Variants in DISC1 observed in about 807,000 individuals in gnomAD.
DISC1 encodes the protein DISC1 scaffold protein, also known as disrupted in schizophrenia 1 protein.
Under a neutral mutation model 84.5 loss-of-function variants are expected in DISC1, and 57 were observed. The ratio of observed to expected loss-of-function variants is 0.67; its 90% CI spans 0.55 to 0.84. The LOEUF (loss-of-function observed/expected upper bound fraction) is 0.84. DISC1 is among the 40% of genes least tolerant of loss of function. DISC1 has a pLI of 0.00. For synonymous variants in DISC1, 411 were observed against 415.2 expected, an observed-to-expected ratio of 0.99 and a Z score of 0.12; for missense variants, 1,000 against 1,057.8, an observed-to-expected ratio of 0.95 and a Z score of 0.76.
At chr1:232,007,992 A>G (rs926486376) in intron 10 of DISC1, among the ~76,000 whole-genome samples, 2 of 152,124 alleles carry the variant, frequency 1.3e-5, no homozygotes, top group African/African-American at 2.4e-5. Flanking sequence ...CCTTCCTGCC[A>G]CCATGTGAAG....
chr1:231,882,667 T>C (rs2086380009), intron 9 of DISC1, among the ~76,000 whole-genome samples: 1 of 152,116 alleles, frequency 6.6e-6, no homozygotes, highest in Non-Finnish European at 1.5e-5. Flanking sequence ...GGCTTTCAAG[T>C]TTTTAGGTCA....
At chr1:231,823,003 T>C (rs894295476) in intron 9 of DISC1, among the ~76,000 whole-genome samples, 1 of 152,156 alleles carries the variant, frequency 6.6e-6, no homozygotes, top group Non-Finnish European at 1.5e-5. Flanking sequence ...ACCTTCAACA[T>C]TGGGGGTCAA....
intron 9 of DISC1, among the ~76,000 whole-genome samples, chr1:231,935,633 G>A (rs1321445222): frequency 2.6e-5 from 4 of 152,182 alleles, no homozygotes; most frequent in Non-Finnish European, 4.4e-5. Context: ...AGAGGGACTC[G>A]TACCTTATAC....
chr1:231,632,620 A>C (rs1433807716), intron 1 of DISC1, among the ~76,000 whole-genome samples: 1 of 152,260 alleles, frequency 6.6e-6, no homozygotes, highest in African/African-American at 2.4e-5. Context: ...AAACAGCAGC[A>C]GAGTGATTGT....
At chr1:231,812,277 C>A (rs1280116734) in intron 8 of DISC1, among the ~76,000 whole-genome samples, 1 of 152,014 alleles carries the variant, frequency 6.6e-6, no homozygotes, top group Non-Finnish European at 1.5e-5. Flanking sequence ...AGGCTGGTCT[C>A]CAACTCCTCA....
intron 9 of DISC1, among the ~76,000 whole-genome samples, chr1:231,951,006 C>T (rs2126159094): frequency 6.6e-6 from 1 of 152,276 alleles, no homozygotes; most frequent in Middle Eastern, 3.4e-3. Context: ...ACACACCACC[C>T]CACAGGACAA....
At chr1:231,776,511 A>AGGGCT (rs2076975480) in intron 6 of DISC1, among the ~76,000 whole-genome samples, 1 of 152,152 alleles carries the variant, frequency 6.6e-6, no homozygotes, top group African/African-American at 2.4e-5. Flanking sequence ...GCCTCGCGGC[A>AGGGCT]GGGCTGGGCT....
intron 6 of DISC1, among the ~76,000 whole-genome samples, chr1:231,784,143 A>T (rs1487367986): frequency 3.3e-5 from 5 of 152,004 alleles, no homozygotes. Context: ...CGCACCTGTA[A>T]TCCCAGCTAC....
At chr1:231,767,785 T>C (rs1482259883) in intron 5 of DISC1, among the ~76,000 whole-genome samples, 2 of 152,268 alleles carry the variant, frequency 1.3e-5, no homozygotes, top group African/African-American at 2.4e-5. Flanking sequence ...GTGCCTGTTT[T>C]CGATATTCCT....
intron 2 of DISC1, among the ~76,000 whole-genome samples, chr1:231,697,604 T>TAA (rs1268976112): frequency 9.5e-5 from 14 of 147,828 alleles, no homozygotes; most frequent in Non-Finnish European, 1.5e-4. Context: ...CATGCCTGGC[T>TAA]AATTTTTTTT....
chr1:231,686,575 C>CA (rs1558328396), intron 1 of DISC1, among the ~76,000 whole-genome samples: 1 of 152,154 alleles, frequency 6.6e-6, no homozygotes, highest in Non-Finnish European at 1.5e-5. Flanking sequence ...GCCCACAAAA[C>CA]CTTTTTTTCC....
rs548963023 is a variant in DISC1 at position 231,977,433 on chromosome 1, C to T, written c.2042+18545C>T. Among the ~76,000 whole-genome samples the T allele has an allele frequency of 1.2e-4, 19 of 152,268 alleles. No individual in the cohort carries two copies. In the South Asian group the frequency reaches 3.1e-3, roughly 25 times the overall value. On this transcript the variant is annotated intron_variant, in intron 10 of 12. Transcript: ENST00000439617. Reference sequence around the variant, plus strand: ...GCCACCTGCACTCCTTGGCTTGTGGCCCCTTCCTCCATCTTCAAAGTGCCT... The same window carrying T: ...GCCACCTGCACTCCTTGGCTTGTGGTCCCTTCCTCCATCTTCAAAGTGCCT...
Position 231,694,678 on chromosome 1 carries a change from C to A in DISC1, c.920C>A (p.Pro307His). 1 of 1,614,236 alleles carries A rather than the reference C, an allele frequency of 6.2e-7. No individual in the cohort carries two copies. The highest frequency in any genetic ancestry group is 8.5e-7 in the Non-Finnish European group (1 of 1,180,048). The change falls in exon 2 of 13, where the codon CCC becomes CAC. Residue 307 changes from proline (P) to histidine (H), a missense_variant. Pro to His is a moderately conservative substitution (Grantham distance 77). Coordinates refer to ENST00000439617, the MANE Select transcript of DISC1 (RefSeq NM_018662.3). ...CCTGGCTCCTCCAGTTCTCTGGATC[C>A]CTCACTGGCTGGCTGTGGTGGTGAT... ...MDPGSSSSLD[P>H]SLAGCGGDGS...
At chr1:231,991,532 C>T (rs985662749) in intron 10 of DISC1, among the ~76,000 whole-genome samples, 2 of 152,176 alleles carry the variant, frequency 1.3e-5, no homozygotes, top group East Asian at 1.9e-4. Flanking sequence ...ACTAGGAAGC[C>T]CTTCTCCCTG....
chr1:231,969,197 T>TTTTG (rs1335633757), intron 10 of DISC1, among the ~76,000 whole-genome samples: 8 of 148,278 alleles, frequency 5.4e-5, no homozygotes, highest in Admixed American at 6.7e-5. Flanking sequence ...TTTTTTTTTT[T>TTTTG]TTTTTTTTTT....
chr1:231,841,401 C>T (rs2083056681), intron 9 of DISC1, among the ~76,000 whole-genome samples: 2 of 152,250 alleles, frequency 1.3e-5, no homozygotes, highest in Admixed American at 6.5e-5. Flanking sequence ...ATTTCCACAG[C>T]ATTGCGAGTC....
At position 232,040,547 on chromosome 1, in the gene DISC1, G is replaced by A. The variant is rs1048374944; in HGVS notation, c.*3716G>A. ...ACTAATTCCCTTTTTCTAAGGCACA[G>A]AGCTGGTAAAATGTGAAGTAATAGT... On this transcript the variant is annotated 3_prime_UTR_variant, in exon 13 of 13. Coordinates refer to ENST00000439617, the MANE Select transcript of DISC1 (RefSeq NM_018662.3). 5 of 152,146 alleles carry A rather than the reference G, an allele frequency of 3.3e-5. No homozygotes were observed. Among genetic ancestry groups the A allele is most frequent in the African/African-American group, 1.2e-4 (5 of 41,430 alleles). 9.4% of individuals were successfully genotyped at this position (152,146 alleles called of 1,614,324 possible).
chr1:232,011,865 G>A (rs748616156), intron 11 of DISC1, among the ~76,000 whole-genome samples: 1 of 152,252 alleles, frequency 6.6e-6, no homozygotes, highest in East Asian at 1.9e-4. Flanking sequence ...CTATCAAAAC[G>A]CAGTGTGGCC....
At chr1:231,688,391 C>G (rs2064568327) in intron 1 of DISC1, among the ~76,000 whole-genome samples, 1 of 152,224 alleles carries the variant, frequency 6.6e-6, no homozygotes, top group African/African-American at 2.4e-5. Context: ...CTGACTAACT[C>G]ACAAAATGCG....
Sources: gnomAD v4.1 joint callset for allele counts (sites outside exome capture counted in the v4.1 genomes callset) on GRCh38, gnomAD v4.1.1 for gene constraint, MANE v1.5 for transcripts, NCBI Gene and HGNC (gene_info 2026-07-23, HGNC 2026-07-21) for gene names.